The following DCC variants were observed in gnomAD, a reference collection of about 807,000 sequenced individuals.
DCC encodes the protein DCC netrin 1 receptor, also known as netrin receptor DCC.
DCC carries 58 observed loss-of-function variants against 172.5 expected under a neutral mutation model. That is an observed-to-expected ratio of 0.34 (90% confidence interval 0.27 to 0.42). The LOEUF is 0.42. DCC is among the 10% of genes least tolerant of loss of function. DCC has a pLI of 1.00. For missense variants in DCC, 1,740 were observed against 1,791.0 expected, an observed-to-expected ratio of 0.97 and a Z score of 0.51; for synonymous variants, 709 against 644.5, an observed-to-expected ratio of 1.10 and a Z score of -1.52.
chr18:52,589,816 G>T (rs757228432), intron 1 of DCC, among the ~76,000 whole-genome samples: 7 of 152,100 alleles, frequency 4.6e-5, no homozygotes, highest in African/African-American at 1.7e-4. Context: ...AAGTTGACTC[G>T]CACAATTATA....
At chr18:52,736,258 C>G (rs2036725853) in intron 1 of DCC, among the ~76,000 whole-genome samples, 1 of 149,218 alleles carries the variant, frequency 6.7e-6, no homozygotes, top group African/African-American at 2.5e-5. Context: ...TGTTATCAAT[C>G]ACTCTTAATT....
At chr18:53,132,696 G>A (rs1442876794) in intron 7 of DCC, among the ~76,000 whole-genome samples, 1 of 152,112 alleles carries the variant, frequency 6.6e-6, no homozygotes, top group East Asian at 1.9e-4. Flanking sequence ...GACCTGAAAG[G>A]GTGTGCACCT....
intron 8 of DCC, among the ~76,000 whole-genome samples, chr18:53,172,056 T>C (rs2055021815): frequency 6.6e-6 from 1 of 152,072 alleles, no homozygotes; most frequent in Admixed American, 6.6e-5. Context: ...ATAAATTAAA[T>C]AATTCTAACA....
intron 2 of DCC, among the ~76,000 whole-genome samples, chr18:52,785,352 A>ATT (rs2037635990): frequency 6.6e-6 from 1 of 151,980 alleles, no homozygotes; most frequent in Admixed American, 6.6e-5. Context: ...TTAGAAAATG[A>ATT]TTTGGGGCTG....
At chr18:52,500,388 C>T (rs896315255) in intron 1 of DCC, among the ~76,000 whole-genome samples, 1 of 152,110 alleles carries the variant, frequency 6.6e-6, no homozygotes, top group Non-Finnish European at 1.5e-5. Flanking sequence ...AGGAATTCAC[C>T]TCTTGATATT....
intron 25 of DCC, among the ~76,000 whole-genome samples, chr18:53,476,615 A>T (rs564430887): frequency 4.8e-4 from 72 of 150,096 alleles, no homozygotes; most frequent in Non-Finnish European, 8.1e-4. Flanking sequence ...TTATTTATTT[A>T]TTTTTTTTGT....
At chr18:53,211,309 C>T (rs2055748891) in intron 11 of DCC, among the ~76,000 whole-genome samples, 1 of 152,146 alleles carries the variant, frequency 6.6e-6, no homozygotes. Context: ...GAGTTCACAA[C>T]AGGTAGTAAG....
chr18:53,134,530 A>T (rs997281467), intron 7 of DCC, among the ~76,000 whole-genome samples: 3 of 152,074 alleles, frequency 2.0e-5, no homozygotes, highest in Admixed American at 2.0e-4. Flanking sequence ...AGGTTATTGG[A>T]GATACAGAGA....
At chr18:53,206,154 A>G (rs56254773) in intron 10 of DCC, among the ~76,000 whole-genome samples, 2 of 141,964 alleles carry the variant, frequency 1.4e-5, no homozygotes, top group Admixed American at 7.5e-5. Flanking sequence ...TATATTATAT[A>G]ATACATATAT....
chr18:53,465,569 T>G (rs2145179133), intron 24 of DCC, among the ~76,000 whole-genome samples: 1 of 152,208 alleles, frequency 6.6e-6, no homozygotes, highest in African/African-American at 2.4e-5. Context: ...ATTTCTTTGG[T>G]TTTATCCTGT....
rs1391744655 is a variant in DCC, at chr18:52,936,662, TG to T, written c.985+11293del. ...CCCTAACAATCTAAGCAAGGTGAAT[TG>T]ACAATCTGTGGCTCACAAGGAGGAG... On this transcript the variant is annotated intron_variant, in intron 5 of 28. Coordinates refer to ENST00000442544, the MANE Select transcript of DCC (RefSeq NM_005215.4). 4.0e-5 allele frequency among the ~76,000 whole-genome samples: 6 copies of T among 151,716 alleles called. 3 individuals carry two copies. The highest frequency in any genetic ancestry group is 5.9e-5 in the Non-Finnish European group (4 of 67,978).
At chr18:53,514,755 A>G (rs372847702) in intron 27 of DCC, among the ~76,000 whole-genome samples, 138 of 152,180 alleles carry the variant, frequency 9.1e-4, no homozygotes, top group African/African-American at 3.2e-3. Flanking sequence ...CCAGGAAGAA[A>G]TTGAATCTCT....
At chr18:53,244,114 C>T (rs367646761) in intron 12 of DCC, among the ~76,000 whole-genome samples, 2 of 152,130 alleles carry the variant, frequency 1.3e-5, no homozygotes, top group Non-Finnish European at 2.9e-5. Flanking sequence ...TTTCAATTCA[C>T]TTTCTCTTGT....
chr18:52,681,078 C>A (rs2035742510), intron 1 of DCC, among the ~76,000 whole-genome samples: 1 of 151,868 alleles, frequency 6.6e-6, no homozygotes, highest in African/African-American at 2.4e-5. Context: ...TTATGTTATC[C>A]CTTCAATTTA....
chr18:52,971,695 C>G (rs369237065), intron 5 of DCC, among the ~76,000 whole-genome samples: 3 of 152,088 alleles, frequency 2.0e-5, no homozygotes, highest in East Asian at 1.9e-4. Flanking sequence ...TAGCCTGTTA[C>G]AGTCTGCAAT....
At chr18:52,612,585 C>T (rs1006870272) in intron 1 of DCC, among the ~76,000 whole-genome samples, 1 of 152,050 alleles carries the variant, frequency 6.6e-6, no homozygotes, top group African/African-American at 2.4e-5. Flanking sequence ...TGACTGAACC[C>T]CTGCCCTCTC....
intron 1 of DCC, among the ~76,000 whole-genome samples, chr18:52,586,279 AT>A (rs1229057581): frequency 6.6e-6 from 1 of 152,138 alleles, no homozygotes; most frequent in Non-Finnish European, 1.5e-5. Context: ...GATATTAAAA[AT>A]ATCCTAGTTT....
At chr18:53,293,723 C>A (rs1328078261) in intron 12 of DCC, among the ~76,000 whole-genome samples, 1 of 152,102 alleles carries the variant, frequency 6.6e-6, no homozygotes, top group African/African-American at 2.4e-5. Flanking sequence ...CAGTTTGGGG[C>A]TACAGTTGAA....
At chr18:53,491,940 C>T (rs113799429) in intron 26 of DCC, among the ~76,000 whole-genome samples, 6 of 152,278 alleles carry the variant, frequency 3.9e-5, no homozygotes, top group African/African-American at 1.4e-4. Flanking sequence ...AGTGTAAAAG[C>T]CTTCCTATGT....
Sources: allele counts gnomAD v4.1 joint callset (sites outside exome capture counted in the v4.1 genomes callset), GRCh38; gene constraint gnomAD v4.1.1; transcripts MANE v1.5; gene names NCBI Gene and HGNC (gene_info 2026-07-23, HGNC 2026-07-21).